The following DPP10 variants were observed in gnomAD, a reference collection of about 807,000 sequenced individuals.
DPP10 encodes the protein inactive dipeptidyl peptidase 10.
In DPP10, 33 loss-of-function variants were observed where a neutral mutation model predicts 120.9. That is an observed-to-expected ratio of 0.27 (90% confidence interval 0.21 to 0.37). The LOEUF is 0.37. Ranked by LOEUF, DPP10 falls within the 10% of genes least tolerant of loss-of-function variation. DPP10 has a pLI of 1.00. For synonymous variants in DPP10, 337 were observed against 326.1 expected, an observed-to-expected ratio of 1.03 and a Z score of -0.36; for missense variants, 816 against 942.8, an observed-to-expected ratio of 0.87 and a Z score of 1.76.
chr2:114,997,921 C>T (rs549545226), intron 1 of DPP10, among the ~76,000 whole-genome samples: 1 of 152,314 alleles, frequency 6.6e-6, no homozygotes, highest in African/African-American at 2.4e-5. Context: ...GTTTCCTATA[C>T]ACTTAATACA....
chr2:115,522,097 A>T (rs919282849), intron 4 of DPP10, among the ~76,000 whole-genome samples: 1 of 152,116 alleles, frequency 6.6e-6, no homozygotes, highest in Admixed American at 6.5e-5. Flanking sequence ...TTATAAGTTA[A>T]ATTTTGCTTT....
intron 3 of DPP10, among the ~76,000 whole-genome samples, chr2:115,351,335 G>T (rs1479387634): frequency 6.6e-6 from 1 of 151,948 alleles, no homozygotes; most frequent in African/African-American, 2.4e-5. Flanking sequence ...ATGGGCAGAC[G>T]TAACGATAGG....
At chr2:115,455,484 AC>A (rs2073451915) in intron 3 of DPP10, among the ~76,000 whole-genome samples, 1 of 152,126 alleles carries the variant, frequency 6.6e-6, no homozygotes, top group Non-Finnish European at 1.5e-5. Context: ...TTCATATGGA[AC>A]CAAAAAAGAG....
intron 1 of DPP10, among the ~76,000 whole-genome samples, chr2:114,788,755 A>G (rs1253545775): frequency 6.6e-6 from 1 of 152,198 alleles, no homozygotes. Flanking sequence ...AGGTAGAGAA[A>G]AAAAGTTTAC....
chr2:114,556,234 CATATAT>C (rs56772742), intron 1 of DPP10, among the ~76,000 whole-genome samples: 6,381 of 86,880 alleles, frequency 0.073, 268 homozygotes, highest in African/African-American at 0.099. Context: ...ATAGATGATA[CATATAT>C]ATATATATAT....
At chr2:114,913,142 A>G (rs1423036089) in intron 1 of DPP10, among the ~76,000 whole-genome samples, 2 of 152,190 alleles carry the variant, frequency 1.3e-5, no homozygotes, top group South Asian at 4.1e-4. Flanking sequence ...AGCCATCACC[A>G]TAGCTCTTTT....
intron 1 of DPP10, among the ~76,000 whole-genome samples, chr2:115,253,930 G>T (rs1466450779): frequency 1.3e-5 from 2 of 152,208 alleles, no homozygotes; most frequent in Non-Finnish European, 2.9e-5. Context: ...GCACTTCCCT[G>T]GTAGAGCTTC....
intron 1 of DPP10, among the ~76,000 whole-genome samples, chr2:114,773,575 G>C (rs17043522): frequency 0.011 from 1,668 of 152,216 alleles, 30 homozygotes; most frequent in African/African-American, 0.038. Context: ...TTCTCTCAAA[G>C]GAGCCAAGCA....
At chr2:115,119,541 A>G (rs1365647361) in intron 1 of DPP10, among the ~76,000 whole-genome samples, 1 of 152,120 alleles carries the variant, frequency 6.6e-6, no homozygotes, top group African/African-American at 2.4e-5. Context: ...AGACTCAATT[A>G]TTTGGTATAA....
At chr2:115,449,585 G>A (rs1018457075) in intron 3 of DPP10, among the ~76,000 whole-genome samples, 4 of 151,960 alleles carry the variant, frequency 2.6e-5, no homozygotes, top group African/African-American at 9.7e-5. Flanking sequence ...ATCAGATTTA[G>A]GATCCTGTAA....
At chr2:115,547,496 A>G (rs1167060231) in intron 5 of DPP10, among the ~76,000 whole-genome samples, 1 of 152,182 alleles carries the variant, frequency 6.6e-6, no homozygotes, top group Non-Finnish European at 1.5e-5. Flanking sequence ...CTTATAGGCC[A>G]GGCACAGTGG....
chr2:114,494,112 A>ACAAC (rs1553450317), intron 1 of DPP10, among the ~76,000 whole-genome samples: 16 of 146,952 alleles, frequency 1.1e-4, no homozygotes, highest in African/African-American at 3.7e-4. Flanking sequence ...AAAAAAAAAA[A>ACAAC]AAAAAAAAAC....
chr2:115,230,750 T>A (rs2057696455), intron 1 of DPP10, among the ~76,000 whole-genome samples: 1 of 152,066 alleles, frequency 6.6e-6, no homozygotes, highest in African/African-American at 2.4e-5. Flanking sequence ...GTAAAAAAAT[T>A]AATTATGAAA....
intron 1 of DPP10, among the ~76,000 whole-genome samples, chr2:115,148,645 C>T (rs1013537765): frequency 3.9e-5 from 6 of 152,104 alleles, no homozygotes; most frequent in African/African-American, 7.2e-5. Flanking sequence ...TTAATAGCTA[C>T]CTCTTATTGA....
intron 1 of DPP10, among the ~76,000 whole-genome samples, chr2:114,888,752 T>C (rs1692295242): frequency 6.6e-6 from 1 of 152,214 alleles, no homozygotes; most frequent in Non-Finnish European, 1.5e-5. Flanking sequence ...TTAAAAATCA[T>C]ACAGGATCCC....
intron 7 of DPP10, among the ~76,000 whole-genome samples, chr2:115,700,087 G>C (rs1299237993): frequency 6.6e-6 from 1 of 152,114 alleles, no homozygotes; most frequent in East Asian, 1.9e-4. Flanking sequence ...GCAGAGGAAG[G>C]GGGTGAGAGT....
intron 2 of DPP10, among the ~76,000 whole-genome samples, chr2:115,334,230 G>GTTTTGTTTTTTTTTTTTTTTTTTTGT (rs1553554646): frequency 1.8e-5 from 1 of 56,412 alleles, no homozygotes. Flanking sequence ...AGCAGACTCT[G>GTTTTGTTTTTTTTTTTTTTTTTTTGT]TTTTTTTTTT....
At chr2:115,570,359 C>G (rs1214563772) in intron 5 of DPP10, among the ~76,000 whole-genome samples, 19 of 152,200 alleles carry the variant, frequency 1.2e-4, no homozygotes, top group Non-Finnish European at 1.2e-4. Context: ...AACTTAATCA[C>G]CCTAACAGTT....
intron 1 of DPP10, among the ~76,000 whole-genome samples, chr2:114,621,515 A>G (rs1031462389): frequency 2.0e-4 from 30 of 152,060 alleles, no homozygotes; most frequent in Non-Finnish European, 3.8e-4. Context: ...TCATTCCCCA[A>G]AGTCTAACCT....
Sources: allele counts gnomAD v4.1 joint callset (sites outside exome capture counted in the v4.1 genomes callset), GRCh38; gene constraint gnomAD v4.1.1; transcripts MANE v1.5; gene names NCBI Gene and HGNC (gene_info 2026-07-23, HGNC 2026-07-21).